The following RNF150 variants were observed in gnomAD, a reference collection of about 807,000 sequenced individuals.
RNF150 encodes ring finger protein 150.
Under a neutral mutation model 39.3 loss-of-function variants are expected in RNF150, and 24 were observed. That is an observed-to-expected ratio of 0.61 (90% CI 0.44 to 0.86). The LOEUF is 0.86. RNF150 is among the 40% of genes least tolerant of loss of function. The pLI is 0.00. For missense variants in RNF150, 502 were observed against 587.8 expected (o/e 0.85, Z 1.51); for synonymous variants, 255 against 227.3 (o/e 1.12, Z -1.10).
At chr4:141,166,171 C>T (rs1727598706) in intron 1 of RNF150, among the ~76,000 whole-genome samples, 1 of 152,124 alleles carries the variant, frequency 6.6e-6, no homozygotes, top group Non-Finnish European at 1.5e-5. Context: ...ACTATAAACA[C>T]CTCTATGCAA....
At chr4:141,128,014 G>A (rs1726796593) in intron 1 of RNF150, among the ~76,000 whole-genome samples, 1 of 152,142 alleles carries the variant, frequency 6.6e-6, no homozygotes, top group African/African-American at 2.4e-5. Flanking sequence ...ATCAATCAAA[G>A]GGAACTGGAA....
chr4:141,089,377 G>C (rs1369375669), intron 1 of RNF150, among the ~76,000 whole-genome samples: 2 of 152,172 alleles, frequency 1.3e-5, no homozygotes, highest in African/African-American at 4.8e-5. Context: ...GTTTAGAGGG[G>C]CAGAGGAGAG....
intron 1 of RNF150, among the ~76,000 whole-genome samples, chr4:141,089,618 G>A (rs189951571): frequency 4.6e-5 from 7 of 152,280 alleles, no homozygotes; most frequent in Admixed American, 4.6e-4. Flanking sequence ...GAAGCCTACT[G>A]TGTAGATATC....
chr4:141,047,076 T>C (rs1736606267), intron 1 of RNF150, among the ~76,000 whole-genome samples: 1 of 152,074 alleles, frequency 6.6e-6, no homozygotes, highest in Non-Finnish European at 1.5e-5. Flanking sequence ...CTCAACTAGT[T>C]CACATCTAAA....
chr4:140,919,884 A>G (rs150681173), intron 5 of RNF150, among the ~76,000 whole-genome samples: 83,502 of 151,792 alleles, frequency 0.55, 23,486 homozygotes, highest in East Asian at 0.89. Flanking sequence ...ATAACGCCAC[A>G]TATCTACAAA....
intron 1 of RNF150, among the ~76,000 whole-genome samples, chr4:141,117,142 T>C (rs1286677959): frequency 2.6e-5 from 4 of 152,102 alleles, no homozygotes; most frequent in Non-Finnish European, 4.4e-5. Flanking sequence ...ACTTAAAGTA[T>C]AATAAAAAAA....
chr4:141,132,272 A>G lies in RNF150; in HGVS notation c.484+53T>C. Reference sequence around the variant, plus strand: ...CTGGAGGCAGGCGCTGGATCCCTCTAGGCACCTCCGTCCCCGCCGGCTCCC... The same window carrying G: ...CTGGAGGCAGGCGCTGGATCCCTCTGGGCACCTCCGTCCCCGCCGGCTCCC... On this transcript the variant is annotated intron_variant, in intron 1 of 6. Coordinates refer to ENST00000515673, the MANE Select transcript of RNF150 (RefSeq NM_020724.2). The surrounding 1 kb of genome is among the most constrained non-coding windows in gnomAD (Gnocchi z 4.9). 2 of 1,540,862 alleles carry G rather than the reference A, an allele frequency of 1.3e-6. No homozygotes were observed. The highest frequency in any genetic ancestry group is 1.8e-6 in the Non-Finnish European group (2 of 1,139,004).
chr4:140,993,000 C>T (rs909907913), intron 1 of RNF150, among the ~76,000 whole-genome samples: 12 of 152,026 alleles, frequency 7.9e-5, no homozygotes, highest in South Asian at 4.2e-4. Context: ...CAGGAGAGGA[C>T]GGGAAAACAA....
Position 140,865,842 on chromosome 4 carries a change from T to C in RNF150, c.*2419A>G, listed in dbSNP as rs1267490880. The C allele has an allele frequency of 2.0e-5, 3 of 152,544 alleles. No homozygotes were observed. The allele number at this position is 152,544 out of a possible 1,614,324, so 9.4% of individuals were successfully genotyped here. ...ACTAAACAATCCAAAGCGCATTCTC[T>C]CTCTGGGAATGGAATATAATTTATA... On this transcript the variant is annotated 3_prime_UTR_variant, in exon 7 of 7. Coordinates refer to ENST00000515673, the MANE Select transcript of RNF150 (RefSeq NM_020724.2).
chr4:141,167,067 C>T (rs1304718925), intron 1 of RNF150, among the ~76,000 whole-genome samples: 1 of 152,106 alleles, frequency 6.6e-6, no homozygotes, highest in Admixed American at 6.6e-5. Context: ...CCCCAAATCT[C>T]CTTAAGCTGA....
intron 6 of RNF150, among the ~76,000 whole-genome samples, chr4:140,872,156 A>G (rs1728972584): frequency 6.6e-6 from 1 of 152,226 alleles, no homozygotes; most frequent in East Asian, 1.9e-4. Flanking sequence ...CTACAATAAT[A>G]CGAATGAAAA....
chr4:141,136,561 T>C (rs1023850756), upstream of RNF150, among the ~76,000 whole-genome samples: 1 of 152,186 alleles, frequency 6.6e-6, no homozygotes, highest in African/African-American at 2.4e-5. Context: ...CAAGTGGTAT[T>C]TGGGGAGAGC....
At chr4:141,199,843 A>G (rs1196871181) in intron 1 of RNF150, among the ~76,000 whole-genome samples, 1 of 152,226 alleles carries the variant, frequency 6.6e-6, no homozygotes, top group Non-Finnish European at 1.5e-5. Context: ...AAACAGTAGA[A>G]TTTCTACATT....
intron 1 of RNF150, among the ~76,000 whole-genome samples, chr4:141,040,167 C>CCAAA (rs1553940135): frequency 6.6e-6 from 1 of 150,604 alleles, no homozygotes; most frequent in Admixed American, 6.6e-5. Context: ...GGTAACACAA[C>CCAAA]CACACACACA....
Position 141,105,774 on chromosome 4 carries a change from A to T in RNF150, c.484+26551T>A, listed in dbSNP as rs139144529. Among the ~76,000 whole-genome samples, 48 of 152,326 alleles carry T rather than the reference A, an allele frequency of 3.2e-4. No individual in the cohort carries two copies. In the East Asian group the frequency reaches 8.3e-3, roughly 26 times the overall value. On this transcript the variant is annotated intron_variant, in intron 1 of 6. Coordinates refer to ENST00000515673, the MANE Select transcript of RNF150 (RefSeq NM_020724.2). ...CAATCTACCCTCATATTTAAACATCAGTTTCTAGAAATTATTTCCAAAATC... is the reference window on the plus strand; with the variant it reads ...CAATCTACCCTCATATTTAAACATCTGTTTCTAGAAATTATTTCCAAAATC...
At chr4:141,161,366 C>A (rs2111158156) in intron 1 of RNF150, among the ~76,000 whole-genome samples, 1 of 152,282 alleles carries the variant, frequency 6.6e-6, no homozygotes, top group South Asian at 2.1e-4. Context: ...CTTCTTCTAA[C>A]AACCTATGCA....
At chr4:141,127,184 G>C (rs888264691) in intron 1 of RNF150, among the ~76,000 whole-genome samples, 6 of 152,196 alleles carry the variant, frequency 3.9e-5, no homozygotes, top group Non-Finnish European at 7.4e-5. Flanking sequence ...GACCAAGTTA[G>C]ACAGTTTGCC....
intron 1 of RNF150, among the ~76,000 whole-genome samples, chr4:141,025,581 GT>G (rs1735666196): frequency 6.6e-6 from 1 of 152,012 alleles, no homozygotes; most frequent in Non-Finnish European, 1.5e-5. Context: ...GTAAATTTGA[GT>G]TTACATAGAA....
Position 141,132,342 on chromosome 4 carries a change from A to T in RNF150, c.467T>A (p.Ile156Asn). The change falls in exon 1 of 7, where the codon ATC (isoleucine) becomes AAC (asparagine). Residue 156 changes from isoleucine (I) to asparagine (N), a missense_variant. Physicochemically the swap from Ile to Asn is moderately radical, Grantham distance 149. Transcript: ENST00000515673. This position sits in a 1 kb window ranked among gnomAD's most constrained non-coding sequence, Gnocchi z 4.9. ...CCACTCACCCGCGTGGGGCATGGTG[A>T]TGGTCTCGTTGGTGTTGGAGCCCAC... is the stretch of plus-strand genomic sequence containing the variant. ...FNVGSNTNET[I>N]TMPHAGVEDI... 1 of 1,585,418 alleles carries T rather than the reference A, an allele frequency of 6.3e-7. No homozygotes were observed.
Sources: gnomAD v4.1 joint callset for allele counts (sites outside exome capture counted in the v4.1 genomes callset) on GRCh38, gnomAD v4.1.1 for gene constraint, Gnocchi (gnomAD v3.1) non-coding constraint, MANE v1.5 for transcripts, NCBI Gene and HGNC (gene_info 2026-07-23, HGNC 2026-07-21) for gene names.